The following KLHL5 variants were observed in gnomAD, a reference collection of about 807,000 sequenced individuals.
The protein encoded by KLHL5 is kelch like family member 5.
In KLHL5, 48 loss-of-function variants were observed where a neutral mutation model predicts 77.7. That is an observed-to-expected ratio of 0.62 (90% CI 0.49 to 0.79). The LOEUF (loss-of-function observed/expected upper bound fraction) is 0.79. Among genes scored for constraint, KLHL5 ranks in the 30% least tolerant of loss-of-function variants. KLHL5 has a pLI of 0.00. For synonymous variants in KLHL5, 260 were observed against 297.0 expected (o/e 0.88, Z 1.28); for missense variants, 723 against 859.7 (o/e 0.84, Z 1.99).
intron 7 of KLHL5, 131 bp from the exon 8 acceptor site, chr4:39,107,438 G>C (rs1399625103): frequency 4.4e-6 from 1 of 227,670 alleles, no homozygotes; most frequent in Non-Finnish European, 7.5e-6. Context: ...GAGGACACTT[G>C]TCTGCATCAT....
intron 1 of KLHL5, among the ~76,000 whole-genome samples, chr4:39,069,554 A>G (rs1436002090): frequency 5.5e-4 from 5 of 9,014 alleles, no homozygotes; most frequent in African/African-American, 1.2e-3. Flanking sequence ...ATATATATAT[A>G]TATATATATA....
At chr4:39,135,090 A>G in the KLHL5 span, among the ~76,000 whole-genome samples, 1 of 152,230 alleles carries the variant, frequency 6.6e-6, no homozygotes, top group Non-Finnish European at 1.5e-5. Flanking sequence ...GATTGGACTC[A>G]GAAAGGATTG....
intron 6 of KLHL5, among the ~76,000 whole-genome samples, chr4:39,101,076 C>T (rs994307417): frequency 1.4e-5 from 2 of 141,542 alleles, no homozygotes; most frequent in African/African-American, 5.5e-5. Flanking sequence ...CAAGCATTTA[C>T]ATAAAATTTT....
chr4:39,107,558 T>A lies in KLHL5; in HGVS notation c.1526-11T>A. 1 of 1,572,070 alleles carries A rather than the reference T, an allele frequency of 6.4e-7. No homozygotes were observed. The highest frequency in any genetic ancestry group is 1.2e-5 in the South Asian group (1 of 85,900). ...ATCTGAAGTCGTTAATTGTTTCCTG[T>A]CTCCTCATAGGTGTGGCTGTACTGG... On this transcript the variant is annotated splice_polypyrimidine_tract_variant and intron_variant, in intron 7 of 10. Transcript: ENST00000504108.
At chr4:39,050,405 C>A (rs1457054602) in intron 1 of KLHL5, among the ~76,000 whole-genome samples, 1 of 152,188 alleles carries the variant, frequency 6.6e-6, no homozygotes, top group Admixed American at 6.5e-5. Context: ...CAACTGGCAC[C>A]AATAACAGAA....
intron 1 of KLHL5, among the ~76,000 whole-genome samples, chr4:39,048,195 C>T (rs981552125): frequency 6.6e-6 from 1 of 152,080 alleles, no homozygotes; most frequent in African/African-American, 2.4e-5. Flanking sequence ...TTCCAGAGTT[C>T]GAGATGGCAA....
Position 39,113,217 on chromosome 4 carries a change from C to T in KLHL5, c.1886C>T (p.Ser629Leu). The T allele has an allele frequency of 6.2e-7, 1 of 1,613,630 alleles. No homozygotes were observed. Among genetic ancestry groups the T allele is most frequent in the Non-Finnish European group, 8.5e-7 (1 of 1,179,744 alleles). The change falls in exon 9 of 11, where the codon TCA (serine) becomes TTA (leucine). Residue 629 changes from serine (S) to leucine (L), a missense_variant. Physicochemically the swap from Ser to Leu is moderately radical, Grantham distance 145. Transcript: ENST00000504108. Reference sequence around the variant, plus strand: ...GCATCCAACTTGACTTCCAGACTCTCAGACTGTGTGGAAAGGTAATTTCCT... The same window carrying T: ...GCATCCAACTTGACTTCCAGACTCTTAGACTGTGTGGAAAGGTAATTTCCT... ...APASNLTSRL[S>L]DCVERYDPKT...
chr4:39,058,814 G>A (rs1717178759), upstream of KLHL5, among the ~76,000 whole-genome samples: 1 of 151,952 alleles, frequency 6.6e-6, no homozygotes, highest in Non-Finnish European at 1.5e-5. Flanking sequence ...AGCACCTACT[G>A]TCTCCTAGGT....
chr4:39,049,058 A>G lies in KLHL5; in HGVS notation c.-95+3962A>G, dbSNP rs28422125. 5.5e-3 allele frequency among the ~76,000 whole-genome samples: 834 copies of G among 152,326 alleles called. 7 individuals are homozygous for G. Among genetic ancestry groups the G allele is most frequent in the African/African-American group, 0.019 (787 of 41,558 alleles). On this transcript the variant is annotated intron_variant, in intron 1 of 11. Transcript: ENST00000261425. Reference sequence around the variant, plus strand: ...CAAGGAGATGGGGAAATGCATTTCTACCATGTGCCCAGAAAGAGGAGAACT... The same window carrying G: ...CAAGGAGATGGGGAAATGCATTTCTGCCATGTGCCCAGAAAGAGGAGAACT...
chr4:39,116,672 G>A (rs778078280), intron 10 of KLHL5, among the ~76,000 whole-genome samples: 1 of 145,188 alleles, frequency 6.9e-6, no homozygotes, highest in Non-Finnish European at 1.5e-5. Context: ...ACTGGTTATA[G>A]GATCTGTGCT....
chr4:39,130,818 A>G (rs1228611376), downstream of KLHL5, among the ~76,000 whole-genome samples: 1 of 152,026 alleles, frequency 6.6e-6, no homozygotes, highest in Non-Finnish European at 1.5e-5. Context: ...CCAGTTATTT[A>G]CATAATTATG....
At chr4:39,107,054 T>TTTTTTC (rs1330572072) in intron 7 of KLHL5, among the ~76,000 whole-genome samples, 1,612 of 110,320 alleles carry the variant, frequency 0.015, 39 homozygotes, top group African/African-American at 0.045. Context: ...TTTTTTCTTT[T>TTTTTTC]TTTTTTTTTT....
At chr4:39,111,062 C>G (rs1341302716) in intron 8 of KLHL5, among the ~76,000 whole-genome samples, 1 of 152,102 alleles carries the variant, frequency 6.6e-6, no homozygotes, top group Non-Finnish European at 1.5e-5. Context: ...GCTTGAAAAT[C>G]ATTGCTTGAG....
Position 39,122,895 on chromosome 4 carries a change from T to C in KLHL5, c.*1829T>C, listed in dbSNP as rs1020419581. Among the ~76,000 whole-genome samples the C allele has an allele frequency of 1.3e-5, 2 of 152,228 alleles. No individual in the cohort carries two copies. The highest frequency in any genetic ancestry group is 1.5e-5 in the Non-Finnish European group (1 of 68,014). On this transcript the variant is annotated 3_prime_UTR_variant, in exon 11 of 11. Coordinates refer to ENST00000504108, the MANE Select transcript of KLHL5 (RefSeq NM_015990.5). ...TAAAAAAAAGAGGGTTTATGCTCTA[T>C]AGTAATAAAATTTACCAGTAACACC... is the stretch of plus-strand genomic sequence containing the variant.
intron 1 of KLHL5, among the ~76,000 whole-genome samples, chr4:39,045,863 C>G (rs1716143865): frequency 7.0e-6 from 1 of 143,438 alleles, no homozygotes. Flanking sequence ...CTGGTGTCTT[C>G]TTCCAGAGGT....
At chr4:39,135,470 C>T in the KLHL5 span, 1 of 152,292 alleles carries the variant, frequency 6.6e-6, no homozygotes, top group African/African-American at 2.4e-5. Context: ...GAGTGCCTCT[C>T]CCCTTCCTTC....
At chr4:39,139,480 T>G in the KLHL5 span, among the ~76,000 whole-genome samples, 3 of 152,114 alleles carry the variant, frequency 2.0e-5, no homozygotes, top group Non-Finnish European at 2.9e-5. Flanking sequence ...CATGTCATTA[T>G]GCGTTTGTCC....
intron 5 of KLHL5, 84 bp downstream of exon 5, chr4:39,086,811 G>A (rs572147791): frequency 2.1e-5 from 21 of 1,000,386 alleles, no homozygotes; most frequent in African/African-American, 4.9e-5. Context: ...CCTATGAAAC[G>A]TGTAGGTGAA....
chr4:39,067,741 C>A (rs1448733228), intron 1 of KLHL5, among the ~76,000 whole-genome samples: 1 of 150,484 alleles, frequency 6.6e-6, no homozygotes, highest in Non-Finnish European at 1.5e-5. Context: ...AATGCAGTGG[C>A]GGGATCTTGG....
Sources: allele counts gnomAD v4.1 joint callset (sites outside exome capture counted in the v4.1 genomes callset), GRCh38; gene constraint gnomAD v4.1.1; transcripts MANE v1.5; gene names NCBI Gene and HGNC (gene_info 2026-07-23, HGNC 2026-07-21).